PTH2R: variants seen among roughly 807,000 people sequenced by gnomAD.
PTH2R encodes parathyroid hormone 2 receptor, also known as PTH2 receptor.
A neutral mutation model predicts 60.3 loss-of-function variants in PTH2R; 59 were observed. That is an observed-to-expected ratio of 0.98 (90% CI 0.79 to 1.22). PTH2R has a LOEUF of 1.22. Among genes scored for constraint, PTH2R ranks in the 50% most tolerant of loss-of-function variants. The probability of loss-of-function intolerance (pLI) is 0.00; values close to 1 mark genes in which losing one functional copy is unlikely to be tolerated. For missense variants in PTH2R, 749 were observed against 682.6 expected, an observed-to-expected ratio of 1.10 and a Z score of -1.08; for synonymous variants, 256 against 243.8, an observed-to-expected ratio of 1.05 and a Z score of -0.47.
chr2:208,482,559 T>A (rs1296879221), intron 10 of PTH2R, among the ~76,000 whole-genome samples: 1 of 152,210 alleles, frequency 6.6e-6, no homozygotes, highest in Non-Finnish European at 1.5e-5. Context: ...CATTAGTAAT[T>A]TCTAACAGAG....
In PTH2R at chr2:208,380,698, T is replaced by A. The variant is rs546333125; in HGVS notation, c.-259+20461T>A. ...ATAAAAGGCCTCAGATGTAGGTCTC[T>A]TTCTGCTGTCTTCACCCAGGTGTTG... On this transcript the variant is annotated intron_variant, in intron 1 of 12. Transcript: ENST00000617735. 4.3e-4 allele frequency among the ~76,000 whole-genome samples: 66 copies of A among 152,224 alleles called. 2 individuals are homozygous for A. Among genetic ancestry groups the A allele is most frequent in the African/African-American group, 1.5e-3 (63 of 41,472 alleles).
chr2:208,449,102 A>G (rs1191870867), intron 7 of PTH2R, among the ~76,000 whole-genome samples: 3 of 152,218 alleles, frequency 2.0e-5, no homozygotes, highest in African/African-American at 7.2e-5. Flanking sequence ...TTGATGAAAG[A>G]CAGGCAGACA....
At position 208,465,219 on chromosome 2, in the gene PTH2R, A is replaced by T. The variant is rs969330433; in HGVS notation, c.981+5258A>T. ...TCAAACTCCTGGGCTCAAGCAATCC[A>T]CTCGCCTCTGCCTCCCATAGTGCTG... On this transcript the variant is annotated intron_variant, in intron 9 of 12. Transcript: ENST00000272847. Among the ~76,000 whole-genome samples the T allele has an allele frequency of 2.0e-5, 3 of 150,624 alleles. No homozygotes were observed. The South Asian group carries it at 6.3e-4, about 32-fold the overall frequency.
At chr2:208,397,305 TA>T (rs1029123235) in intron 1 of PTH2R, among the ~76,000 whole-genome samples, 50 of 144,476 alleles carry the variant, frequency 3.5e-4, no homozygotes, top group African/African-American at 2.5e-4. Context: ...AAAGTATAAT[TA>T]AAAAAAAAAA....
At chr2:208,403,758 G>T (rs1412224309), upstream of PTH2R, among the ~76,000 whole-genome samples, 1 of 152,178 alleles carries the variant, frequency 6.6e-6, no homozygotes, top group East Asian at 1.9e-4. Context: ...AGAGGATTCA[G>T]TTCCAACATG....
chr2:208,379,843 CAGTG>C (rs747902457), intron 1 of PTH2R, among the ~76,000 whole-genome samples: 31 of 150,030 alleles, frequency 2.1e-4, no homozygotes, highest in Non-Finnish European at 4.1e-4. Flanking sequence ...CTGGGTGACA[CAGTG>C]AGACTCTGTC....
chr2:208,390,230 C>T (rs1434476167), intron 1 of PTH2R, among the ~76,000 whole-genome samples: 1 of 152,188 alleles, frequency 6.6e-6, no homozygotes, highest in African/African-American at 2.4e-5. Flanking sequence ...TTTGCTATTA[C>T]TTGGTCAATT....
At chr2:208,384,486 C>T (rs1700970016) in intron 1 of PTH2R, among the ~76,000 whole-genome samples, 1 of 152,172 alleles carries the variant, frequency 6.6e-6, no homozygotes, top group Non-Finnish European at 1.5e-5. Flanking sequence ...AAACCCCAAA[C>T]ACCTTACCAT....
At chr2:208,477,943 G>GTACTAGCACTACTACTAC (rs1243907677) in intron 9 of PTH2R, among the ~76,000 whole-genome samples, 3 of 32,702 alleles carry the variant, frequency 9.2e-5, no homozygotes, top group African/African-American at 1.8e-4. Context: ...ACTACTACTA[G>GTACTAGCACTACTACTAC]TAGTACTAGC....
rs1702097598 is a variant in PTH2R at position 208,437,522 on chromosome 2, T to A, written c.179-15T>A. 2 of 1,571,718 alleles carry A rather than the reference T, an allele frequency of 1.3e-6. No homozygotes were observed. Among genetic ancestry groups the A allele is most frequent in the African/African-American group, 1.4e-5 (1 of 72,766 alleles). Reference sequence around the variant, plus strand: ...TTTTCTTTGTTTATTTGCTTTAATTTTTTTTTCTCATTAGAAGGTAATTGT... The same window carrying A: ...TTTTCTTTGTTTATTTGCTTTAATTATTTTTTCTCATTAGAAGGTAATTGT... On this transcript the variant is annotated splice_polypyrimidine_tract_variant and intron_variant, in intron 2 of 12. Transcript: ENST00000272847.
At chr2:208,369,503 G>A (rs1374787620) in intron 1 of PTH2R, among the ~76,000 whole-genome samples, 2 of 151,630 alleles carry the variant, frequency 1.3e-5, no homozygotes, top group Admixed American at 6.6e-5. Context: ...GTAGCTGGGA[G>A]TACAGGTGCC....
intron 1 of PTH2R, among the ~76,000 whole-genome samples, chr2:208,417,975 G>A (rs997321856): frequency 2.6e-5 from 4 of 152,088 alleles, no homozygotes; most frequent in Non-Finnish European, 5.9e-5. Flanking sequence ...GCTATTTGCA[G>A]ATGTTAGCAA....
chr2:208,459,961 G>T lies in PTH2R; in HGVS notation c.981G>T (p.Gly327=). 1 of 1,612,112 alleles carries T rather than the reference G, an allele frequency of 6.2e-7. No individual in the cohort carries two copies. Among genetic ancestry groups the T allele is most frequent in the Non-Finnish European group, 8.5e-7 (1 of 1,178,860 alleles). ...IYQAPILAAI[G]LNFILFLNTV... Reference sequence around the variant, plus strand: ...AAGCACCGATCTTAGCAGCTATTGGGGTAAGTTTAAAAGTTTGTATAGTTA... The same window carrying T: ...AAGCACCGATCTTAGCAGCTATTGGTGTAAGTTTAAAAGTTTGTATAGTTA... The change falls in exon 9 of 13, where the codon GGG becomes GGT. Residue 327 remains glycine (G), a splice_region_variant and synonymous_variant. Transcript: ENST00000272847.
chr2:208,478,948 A>G (rs1474003932), intron 9 of PTH2R, among the ~76,000 whole-genome samples: 1 of 152,178 alleles, frequency 6.6e-6, no homozygotes, highest in Non-Finnish European at 1.5e-5. Context: ...AGTAGTCAAT[A>G]ACTTAGTTTC....
At chr2:208,415,772 C>T (rs1378122350) in intron 1 of PTH2R, among the ~76,000 whole-genome samples, 2 of 152,094 alleles carry the variant, frequency 1.3e-5, no homozygotes, top group Admixed American at 6.6e-5. Flanking sequence ...GATGAGATAT[C>T]ACATAACTTC....
chr2:208,428,756 A>G (rs1701909709), intron 2 of PTH2R, among the ~76,000 whole-genome samples: 1 of 152,204 alleles, frequency 6.6e-6, no homozygotes, highest in African/African-American at 2.4e-5. Flanking sequence ...GTTTATGATC[A>G]GAGAATGTGG....
At chr2:208,489,311 T>G (rs1471683033) in intron 11 of PTH2R, among the ~76,000 whole-genome samples, 161 bp downstream of exon 11, 1 of 152,166 alleles carries the variant, frequency 6.6e-6, no homozygotes, top group East Asian at 1.9e-4. Context: ...CCTGTGCTTT[T>G]CTGTCCTATA....
At chr2:208,364,328 CTA>C (rs1700537784) in intron 1 of PTH2R, among the ~76,000 whole-genome samples, 1 of 151,968 alleles carries the variant, frequency 6.6e-6, no homozygotes, top group African/African-American at 2.4e-5. Context: ...CGATTTTTTT[CTA>C]TGTTTTCTTC....
intron 4 of PTH2R, among the ~76,000 whole-genome samples, chr2:208,439,599 T>G (rs1559220592): frequency 6.6e-6 from 1 of 152,004 alleles, no homozygotes; most frequent in Non-Finnish European, 1.5e-5. Flanking sequence ...AAATAAGATA[T>G]TTTTGAGCAC....
Sources: allele counts gnomAD v4.1 joint callset (sites outside exome capture counted in the v4.1 genomes callset), GRCh38; gene constraint gnomAD v4.1.1; transcripts MANE v1.5; gene names NCBI Gene and HGNC (gene_info 2026-07-23, HGNC 2026-07-21).